ORC1: variants seen among roughly 807,000 people sequenced by gnomAD.
ORC1 encodes the protein origin recognition complex subunit 1.
ORC1 carries 61 observed loss-of-function variants against 98.9 expected under a neutral mutation model. The observed-to-expected ratio is 0.62, with a 90% CI of 0.50 to 0.76. The LOEUF is 0.76. ORC1 is among the 30% of genes least tolerant of loss of function. The probability of loss-of-function intolerance (pLI) is 0.00; values close to 1 mark genes in which losing one functional copy is unlikely to be tolerated. For missense variants in ORC1, 979 were observed against 1,072.2 expected (o/e 0.91, Z 1.21); for synonymous variants, 385 against 406.9 (o/e 0.95, Z 0.65).
At chr1:52,407,002 A>G (rs1040024983), upstream of ORC1, among the ~76,000 whole-genome samples, 16 of 152,304 alleles carry the variant, frequency 1.1e-4, no homozygotes, top group Middle Eastern at 3.4e-3. Context: ...TAGATATAGG[A>G]AAAAGGGAAG....
chr1:52,399,809 T>TCACACACACACACA (rs111460694), intron 3 of ORC1, among the ~76,000 whole-genome samples: 4 of 146,044 alleles, frequency 2.7e-5, no homozygotes, highest in African/African-American at 7.6e-5. Context: ...TCTGTCACTG[T>TCACACACACACACA]CACACACACA....
chr1:52,378,634 A>G (rs1305725084), intron 14 of ORC1, among the ~76,000 whole-genome samples: 1 of 151,794 alleles, frequency 6.6e-6, no homozygotes, highest in African/African-American at 2.4e-5. Flanking sequence ...GCTGCACTCC[A>G]GCCTGGGTCA....
chr1:52,380,420 G>A (rs1647053127), intron 14 of ORC1, among the ~76,000 whole-genome samples: 1 of 152,272 alleles, frequency 6.6e-6, no homozygotes, highest in African/African-American at 2.4e-5. Context: ...CATTGGCCGA[G>A]CGCAGTGGCT....
upstream of ORC1, chr1:52,404,956 G>T (rs959680371): frequency 6.4e-7 from 1 of 1,552,378 alleles, no homozygotes; most frequent in East Asian, 2.2e-5. Flanking sequence ...TAGGACTAGC[G>T]ACTGGCCTCT....
chr1:52,375,568 C>A lies in ORC1; in HGVS notation c.2165G>T (p.Cys722Phe), dbSNP rs1269560382. ...VAALSGDARRCLDICRRATEI... is the reference protein window; with the variant it reads ...VAALSGDARRFLDICRRATEI... ...TGTGGCACGCCTGCAGATGTCCAGG[C>A]ACCGTCGTGCATCTCCAGACAGTGC... is the stretch of plus-strand genomic sequence containing the variant. Residue 722 changes from cysteine to phenylalanine, a missense_variant, in exon 15 of 17, where the codon TGC becomes TTC. Coordinates refer to ENST00000371568, the MANE Select transcript of ORC1 (RefSeq NM_004153.4). 2 of 1,613,974 alleles carry A rather than the reference C, an allele frequency of 1.2e-6. No homozygotes were observed. Among genetic ancestry groups the A allele is most frequent in the African/African-American group, 2.7e-5 (2 of 74,928 alleles).
chr1:52,382,406 T>C (rs904119847), intron 13 of ORC1, among the ~76,000 whole-genome samples: 7 of 152,186 alleles, frequency 4.6e-5, no homozygotes, highest in South Asian at 2.1e-4. Flanking sequence ...TTCAGATCTA[T>C]GCTATACATT....
At chr1:52,386,431 T>G (rs892330113) in intron 8 of ORC1, among the ~76,000 whole-genome samples, 10 of 152,100 alleles carry the variant, frequency 6.6e-5, no homozygotes, top group Non-Finnish European at 1.3e-4. Flanking sequence ...CCTTGGCAGA[T>G]TTTTCCACTC....
chr1:52,408,558 C>G, upstream of ORC1: 1 of 1,614,094 alleles, frequency 6.2e-7, no homozygotes, highest in Non-Finnish European at 8.5e-7. Context: ...TCACTGTCAT[C>G]TGTCTCTCAG....
At chr1:52,407,092 A>T (rs1332779036), upstream of ORC1, among the ~76,000 whole-genome samples, 1 of 152,174 alleles carries the variant, frequency 6.6e-6, no homozygotes, top group Non-Finnish European at 1.5e-5. Flanking sequence ...GTCTCGGCTC[A>T]CTGCAAGCTC....
At chr1:52,389,419 T>C in intron 6 of ORC1, 98 bp from the exon 7 acceptor site, 1 of 805,276 alleles carries the variant, frequency 1.2e-6, no homozygotes, top group South Asian at 1.4e-5. Flanking sequence ...TGGCTCCCAG[T>C]CTTTTTATAT....
intron 1 of ORC1, among the ~76,000 whole-genome samples, chr1:52,403,780 C>T: frequency 6.6e-6 from 1 of 151,854 alleles, no homozygotes; most frequent in Non-Finnish European, 1.5e-5. Flanking sequence ...GGGTAGGAGC[C>T]CAGACTGCTT....
chr1:52,372,996 G>T lies in ORC1; in HGVS notation c.*185C>A, dbSNP rs935163670. 1.5e-6 allele frequency: 1 copy of T among 668,206 alleles called. No homozygotes were observed. Among genetic ancestry groups the T allele is most frequent in the African/African-American group, 1.8e-5 (1 of 56,424 alleles). The allele number at this position is 668,206 out of a possible 1,614,324, so 41.4% of individuals were successfully genotyped here. Reference sequence around the variant, plus strand: ...CTCTACAAAAAATCAGCTGGGCATGGTGGCATGTGCCTGTAGTTTCAGCCA... The same window carrying T: ...CTCTACAAAAAATCAGCTGGGCATGTTGGCATGTGCCTGTAGTTTCAGCCA... On this transcript the variant is annotated 3_prime_UTR_variant, in exon 17 of 17. Coordinates refer to ENST00000371568, the MANE Select transcript of ORC1 (RefSeq NM_004153.4).
intron 13 of ORC1, 24 bp downstream of exon 13, chr1:52,383,396 C>T (rs1647097666): frequency 1.2e-6 from 2 of 1,611,950 alleles, no homozygotes; most frequent in Non-Finnish European, 1.7e-6. Flanking sequence ...GCAAGAACAG[C>T]ATGGGAACTG....
upstream of ORC1, chr1:52,408,705 A>C: frequency 6.2e-7 from 1 of 1,611,778 alleles, no homozygotes; most frequent in Non-Finnish European, 8.5e-7. Context: ...GTATGGTGCT[A>C]AGTCTCCTGA....
At chr1:52,381,318 A>G (rs188475265) in intron 14 of ORC1, among the ~76,000 whole-genome samples, 29 of 152,328 alleles carry the variant, frequency 1.9e-4, no homozygotes, top group African/African-American at 6.5e-4. Context: ...TAACTTTCCT[A>G]TAACTTTCTG....
intron 10 of ORC1, among the ~76,000 whole-genome samples, chr1:52,384,956 G>A (rs765718219): frequency 2.1e-4 from 32 of 152,168 alleles, no homozygotes; most frequent in Non-Finnish European, 4.1e-4. Flanking sequence ...ATGAAGGCCA[G>A]TTTCATTCTT....
chr1:52,394,975 T>G (rs1647329056), intron 5 of ORC1, among the ~76,000 whole-genome samples: 1 of 152,218 alleles, frequency 6.6e-6, no homozygotes, highest in Non-Finnish European at 1.5e-5. Context: ...GAAGGTGATA[T>G]TACAGATTAG....
upstream of ORC1, among the ~76,000 whole-genome samples, chr1:52,406,240 C>T (rs566623286): frequency 2.6e-5 from 4 of 152,092 alleles, no homozygotes; most frequent in East Asian, 1.9e-4. Flanking sequence ...CCCCTCCCCC[C>T]CCGGGCCTCC....
Position 52,396,266 on chromosome 1 carries a change from T to C in ORC1, c.501A>G (p.Pro167=), listed in dbSNP as rs1025722099. ...KLSWNEKKFR[P]LSSELFAELN... is the part of the protein sequence containing the mutation. ...ACTCCGCAAATAGTTCTGAGGAAAG[T>C]GGCCTGAATTTCTTCTCATTCCAGG... The change falls in exon 5 of 17, where the codon CCA becomes CCG. Residue 167 remains proline (P), a synonymous_variant. Coordinates refer to ENST00000371568, the MANE Select transcript of ORC1 (RefSeq NM_004153.4). 1.9e-6 allele frequency: 3 copies of C among 1,614,222 alleles called. No individual in the cohort carries two copies. Among genetic ancestry groups the C allele is most frequent in the Non-Finnish European group, 1.7e-6 (2 of 1,180,038 alleles).
Sources: gnomAD v4.1 joint callset for allele counts (sites outside exome capture counted in the v4.1 genomes callset) on GRCh38, gnomAD v4.1.1 for gene constraint, MANE v1.5 for transcripts, NCBI Gene and HGNC (gene_info 2026-07-23, HGNC 2026-07-21) for gene names.